Variants in ALDH3B1 observed in about 807,000 individuals in gnomAD.
ALDH3B1 encodes aldehyde dehydrogenase 3 family member B1, also known as aldehyde dehydrogenase family 3 member B1.
Under a neutral mutation model 46.2 loss-of-function variants are expected in ALDH3B1, and 37 were observed. The observed-to-expected ratio is 0.80, with a 90% confidence interval of 0.62 to 1.05. The LOEUF (loss-of-function observed/expected upper bound fraction) is 1.05. ALDH3B1 is among the 50% of genes least tolerant of loss of function. ALDH3B1 has a pLI of 0.00. For synonymous variants in ALDH3B1, 283 were observed against 281.0 expected (o/e 1.01, Z -0.07); for missense variants, 603 against 665.5 (o/e 0.91, Z 1.03).
At chr11:68,011,576 G>A (rs1452069744) in intron 1 of ALDH3B1, among the ~76,000 whole-genome samples, 1 of 152,240 alleles carries the variant, frequency 6.6e-6, no homozygotes, top group African/African-American at 2.4e-5. Flanking sequence ...CTACACTGCA[G>A]GAGATCAGAA....
At chr11:68,023,834 G>A (rs1857561465) in intron 8 of ALDH3B1, among the ~76,000 whole-genome samples, 1 of 151,864 alleles carries the variant, frequency 6.6e-6, no homozygotes, top group South Asian at 2.1e-4. Context: ...TTGAGCTCAT[G>A]AGTTTGAGAC....
intron 1 of ALDH3B1, among the ~76,000 whole-genome samples, chr11:68,012,007 C>A (rs1266547211): frequency 2.0e-5 from 3 of 152,234 alleles, no homozygotes; most frequent in Non-Finnish European, 1.5e-5. Context: ...GCAGTTTAAA[C>A]CCAGGTCATT....
chr11:68,028,146 G>T lies in ALDH3B1; in HGVS notation c.*207G>T. 2 of 778,056 alleles carry T rather than the reference G, an allele frequency of 2.6e-6. No individual in the cohort carries two copies. Among genetic ancestry groups the T allele is most frequent in the Non-Finnish European group, 2.3e-6 (1 of 437,116 alleles). The allele number at this position is 778,056 out of a possible 1,614,324, so 48.2% of individuals were successfully genotyped here. ...TCAGCCGCTCCCAACCATGAGAGCC[G>T]AGGTGGGAGGCATGGGAAACAGTGC... On this transcript the variant is annotated 3_prime_UTR_variant, in exon 10 of 10. Coordinates refer to ENST00000342456, the MANE Select transcript of ALDH3B1 (RefSeq NM_000694.4).
intron 1 of ALDH3B1, among the ~76,000 whole-genome samples, chr11:68,011,018 C>A (rs572574): frequency 0.53 from 80,074 of 152,112 alleles, 22,092 homozygotes; most frequent in African/African-American, 0.71. Flanking sequence ...CCCGAGCCAC[C>A]AATGAGGGGA....
chr11:68,015,960 G>A (rs1406938577), intron 2 of ALDH3B1: 1 of 270,718 alleles, frequency 3.7e-6, no homozygotes, highest in African/African-American at 2.3e-5. Context: ...CAGCTACTCA[G>A]GAGGCTGAGG....
intron 1 of ALDH3B1, chr11:68,014,941 G>T: frequency 4.3e-6 from 1 of 231,666 alleles, no homozygotes; most frequent in Non-Finnish European, 8.4e-6. Flanking sequence ...TTTCTGTGCG[G>T]CAGGAAGAAG....
At chr11:68,022,875 T>G in intron 8 of ALDH3B1, 114 bp downstream of exon 8, 1 of 1,440,116 alleles carries the variant, frequency 6.9e-7, no homozygotes, top group Non-Finnish European at 9.4e-7. Context: ...ATGGTGGACC[T>G]CTTGGCTCTG....
At position 68,019,531 on chromosome 11, in the gene ALDH3B1, C is replaced by T. The variant is rs118092126; in HGVS notation, c.481-184C>T. Among the ~76,000 whole-genome samples the T allele has an allele frequency of 5.1e-3, 770 of 152,374 alleles. 2 individuals are homozygous for T. Among genetic ancestry groups the T allele is most frequent in the Non-Finnish European group, 8.1e-3 (552 of 68,034 alleles). ...CCAGCTGGACTCCAAGCTGGGCCTGCCAATGCCAGCCAACCTTGGGGAGCT... is the reference window on the plus strand; with the variant it reads ...CCAGCTGGACTCCAAGCTGGGCCTGTCAATGCCAGCCAACCTTGGGGAGCT... On this transcript the variant is annotated intron_variant, in intron 5 of 9. Transcript: ENST00000342456.
At chr11:68,010,140 T>C (rs574196208), upstream of ALDH3B1, among the ~76,000 whole-genome samples, 1 of 152,226 alleles carries the variant, frequency 6.6e-6, no homozygotes, top group South Asian at 2.1e-4. Flanking sequence ...TGTGTGGCTC[T>C]AGCCTGGCGC....
chr11:68,015,541 AC>A, intron 2 of ALDH3B1, 82 bp downstream of exon 2: 1 of 1,518,210 alleles, frequency 6.6e-7, no homozygotes, highest in Non-Finnish European at 8.9e-7. Context: ...GGATGAAGAC[AC>A]CTGCGCCCTC....
intron 2 of ALDH3B1, chr11:68,015,728 C>G: frequency 1.6e-6 from 1 of 633,628 alleles, no homozygotes. Flanking sequence ...CCCATGCCTA[C>G]GAAGATGACC....
rs1451216669 is a variant in ALDH3B1, at chr11:68,027,888, G to C, written c.1356G>C (p.Arg452Ser). Residue 452 changes from arginine to serine, a missense_variant, in exon 10 of 10, where the codon AGG (arginine) becomes AGC (serine). Transcript: ENST00000342456. ...RYPPQSPRRL[R>S]MLLVAMEAQG... The stretch of plus-strand genomic sequence containing the variant: ...CGCCGCAATCGCCGCGCCGCCTGAG[G>C]ATGCTGCTGGTGGCCATGGAGGCCC... 8.3e-6 allele frequency: 13 copies of C among 1,562,870 alleles called. No homozygotes were observed. Among genetic ancestry groups the C allele is most frequent in the Non-Finnish European group, 1.1e-5 (13 of 1,156,784 alleles).
chr11:68,010,918 C>T (rs557592452), intron 1 of ALDH3B1, among the ~76,000 whole-genome samples: 2 of 152,332 alleles, frequency 1.3e-5, no homozygotes, highest in South Asian at 2.1e-4. Context: ...AGCCCCGCCC[C>T]GCCTGCAGGA....
At position 68,019,180 on chromosome 11, in the gene ALDH3B1, G is replaced by A; in HGVS notation, c.405G>A (p.Val135=). The change falls in exon 5 of 10, where the codon GTG becomes GTA. Residue 135 remains valine, a synonymous_variant. Transcript: ENST00000342456. Reference sequence around the variant, plus strand: ...TGCACTGCCCTGCAGGGAACTGTGTGGTGCTGAAGCCATCGGAGATTAGCA... The same window carrying A: ...TGCACTGCCCTGCAGGGAACTGTGTAGTGCTGAAGCCATCGGAGATTAGCA... The part of the protein sequence containing the change: ...LVGALAAGNC[V]VLKPSEISKN... 1.9e-6 allele frequency: 3 copies of A among 1,612,694 alleles called. No individual in the cohort carries two copies. Among genetic ancestry groups the A allele is most frequent in the Non-Finnish European group, 2.5e-6 (3 of 1,179,468 alleles).
chr11:68,012,529 C>T (rs1857255539), intron 1 of ALDH3B1, among the ~76,000 whole-genome samples: 1 of 152,240 alleles, frequency 6.6e-6, no homozygotes, highest in Non-Finnish European at 1.5e-5. Flanking sequence ...ACCCTTGGGC[C>T]CATCAGCCCC....
intron 8 of ALDH3B1, chr11:68,024,513 T>C (rs1360630207): frequency 6.6e-6 from 1 of 152,258 alleles, no homozygotes; most frequent in Non-Finnish European, 1.5e-5. Context: ...TGTATTGCCA[T>C]TTGATACCTT....
chr11:68,017,612 G>C (rs1301328453), intron 2 of ALDH3B1: 1 of 152,314 alleles, frequency 6.6e-6, no homozygotes, highest in African/African-American at 2.4e-5. Flanking sequence ...AGGGAGCACT[G>C]GCTAGCCGAG....
rs1248978561 is a variant in ALDH3B1 at position 68,021,754 on chromosome 11, A to C, written c.832A>C (p.Ser278Arg). ...CCGTTTCTATGGCGACGACCCCCAG[A>C]GCTCCCCAAACCTGGGCCGCATCAT... Reference protein sequence around the residue: ...ITRFYGDDPQSSPNLGRIINQ... With the variant: ...ITRFYGDDPQRSPNLGRIINQ... The change falls in exon 7 of 10, where the codon AGC (serine) becomes CGC (arginine). Residue 278 changes from serine to arginine, a missense_variant. Physicochemically the swap from Ser to Arg is moderately radical, Grantham distance 110. Coordinates refer to ENST00000342456, the MANE Select transcript of ALDH3B1 (RefSeq NM_000694.4). The C allele has an allele frequency of 3.1e-6, 5 of 1,614,098 alleles. No homozygotes were observed. Among genetic ancestry groups the C allele is most frequent in the Non-Finnish European group, 4.2e-6 (5 of 1,179,998 alleles).
chr11:68,023,932 C>T lies in ALDH3B1; in HGVS notation c.1116+1171C>T, dbSNP rs183705157. ...TAGTGGCGCACACCTGTAATGCCAG[C>T]TGCTCGGGAGGCTGAGGTGGAAGGA... is the stretch of plus-strand genomic sequence containing the variant. On this transcript the variant is annotated intron_variant, in intron 8 of 9. Transcript: ENST00000342456. Among the ~76,000 whole-genome samples, 6 of 151,020 alleles carry T rather than the reference C, an allele frequency of 4.0e-5. No homozygotes were observed. The East Asian group carries it at 1.2e-3, about 30-fold the overall frequency.
Sources: allele counts gnomAD v4.1 joint callset (sites outside exome capture counted in the v4.1 genomes callset), GRCh38; gene constraint gnomAD v4.1.1; transcripts MANE v1.5; gene names NCBI Gene and HGNC (gene_info 2026-07-23, HGNC 2026-07-21).